Variants in RBFOX1 observed in about 807,000 individuals in gnomAD.
RBFOX1 encodes RNA binding fox-1 homolog 1.
Under a neutral mutation model 57.7 loss-of-function variants are expected in RBFOX1, and 8 were observed. The ratio of observed to expected loss-of-function variants is 0.14; its 90% confidence interval spans 0.08 to 0.25. RBFOX1 has a LOEUF of 0.25. RBFOX1 is among the 10% of genes least tolerant of loss of function. The pLI, the probability that RBFOX1 is intolerant of heterozygous loss-of-function variation, is 1.00. For missense variants in RBFOX1, 611 were observed against 548.5 expected (o/e 1.11, Z -1.14); for synonymous variants, 326 against 222.4 (o/e 1.47, Z -4.15).
chr16:6,408,041 C>T (rs1232737484), intron 2 of RBFOX1, among the ~76,000 whole-genome samples: 1 of 152,054 alleles, frequency 6.6e-6, no homozygotes, highest in East Asian at 1.9e-4. Context: ...CTTGTTTACC[C>T]CTCCCATCAT....
At chr16:6,800,025 A>G (rs753915638) in intron 3 of RBFOX1, among the ~76,000 whole-genome samples, 6 of 152,150 alleles carry the variant, frequency 3.9e-5, no homozygotes, top group Admixed American at 2.0e-4. Context: ...GTCCCTCTGG[A>G]GAACCCTAAT....
chr16:5,318,778 T>G (rs1350646074), intron 1 of RBFOX1, among the ~76,000 whole-genome samples: 2 of 152,184 alleles, frequency 1.3e-5, no homozygotes, highest in African/African-American at 4.8e-5. Context: ...TCAGTTTGGC[T>G]GACCTTAACA....
chr16:7,216,089 A>G (rs141164438), intron 4 of RBFOX1, among the ~76,000 whole-genome samples: 162 of 152,290 alleles, frequency 1.1e-3, no homozygotes, highest in Middle Eastern at 6.8e-3. Context: ...TTCACTTAGC[A>G]TAATGCTTAC....
intron 1 of RBFOX1, among the ~76,000 whole-genome samples, chr16:6,242,865 T>A (rs1567756822): frequency 6.6e-6 from 1 of 152,136 alleles, no homozygotes; most frequent in Non-Finnish European, 1.5e-5. Flanking sequence ...GAAGGTTGAG[T>A]TTTTAACCAA....
chr16:6,634,797 T>A (rs943184412), intron 2 of RBFOX1, among the ~76,000 whole-genome samples: 2 of 138,976 alleles, frequency 1.4e-5, no homozygotes, highest in Non-Finnish European at 3.0e-5. Context: ...AAGATATACA[T>A]ATATTTGTAT....
chr16:5,793,903 C>A (rs373969558), intron 3 of RBFOX1, among the ~76,000 whole-genome samples: 1 of 152,216 alleles, frequency 6.6e-6, no homozygotes, highest in Non-Finnish European at 1.5e-5. Context: ...ACATTATAAA[C>A]CTGTGTGATC....
chr16:6,131,813 T>G (rs1273229576), intron 1 of RBFOX1, among the ~76,000 whole-genome samples: 1 of 152,212 alleles, frequency 6.6e-6, no homozygotes, highest in African/African-American at 2.4e-5. Flanking sequence ...GAGGCTCACA[T>G]GTGCTGCTGG....
At chr16:6,220,190 G>A (rs141983017) in intron 1 of RBFOX1, among the ~76,000 whole-genome samples, 4 of 152,060 alleles carry the variant, frequency 2.6e-5, no homozygotes, top group African/African-American at 9.6e-5. Context: ...CTGTGTGTCT[G>A]TGGGTGTGTG....
chr16:7,509,987 C>A (rs1267596228), intron 4 of RBFOX1: 2 of 181,460 alleles, frequency 1.1e-5, no homozygotes, highest in Non-Finnish European at 1.0e-5. Flanking sequence ...TTTTCCCTTC[C>A]TCCTCTATAT....
chr16:5,391,944 A>G (rs571413751), intron 1 of RBFOX1, among the ~76,000 whole-genome samples: 1 of 151,692 alleles, frequency 6.6e-6, no homozygotes, highest in African/African-American at 2.4e-5. Flanking sequence ...ATGGAATACT[A>G]CTCAGCCATA....
At chr16:6,905,754 G>A (rs1330598038) in intron 3 of RBFOX1, among the ~76,000 whole-genome samples, 1 of 152,194 alleles carries the variant, frequency 6.6e-6, no homozygotes, top group Non-Finnish European at 1.5e-5. Context: ...TGCATGCCAT[G>A]GATGGAAATG....
chr16:6,713,861 T>C (rs927127000), intron 3 of RBFOX1, among the ~76,000 whole-genome samples: 2 of 152,190 alleles, frequency 1.3e-5, no homozygotes, highest in African/African-American at 4.8e-5. Context: ...TTGGTAAGAC[T>C]TGGGGACTGA....
At chr16:7,149,256 G>A (rs2075653234) in intron 4 of RBFOX1, among the ~76,000 whole-genome samples, 1 of 152,046 alleles carries the variant, frequency 6.6e-6, no homozygotes, top group Non-Finnish European at 1.5e-5. Flanking sequence ...GTGGAAGAGA[G>A]AGTTGCAATA....
intron 1 of RBFOX1, among the ~76,000 whole-genome samples, chr16:5,381,902 A>G (rs2066140154): frequency 6.6e-6 from 1 of 152,150 alleles, no homozygotes; most frequent in Non-Finnish European, 1.5e-5. Flanking sequence ...GGCGCTATTG[A>G]CATTTGGGGC....
chr16:7,101,228 C>T (rs953153156), intron 4 of RBFOX1, among the ~76,000 whole-genome samples: 11 of 152,188 alleles, frequency 7.2e-5, no homozygotes, highest in African/African-American at 2.4e-4. Flanking sequence ...GGAATTTATT[C>T]TGCACCAGCG....
At chr16:6,679,433 G>T (rs536248649) in intron 3 of RBFOX1, among the ~76,000 whole-genome samples, 2 of 152,122 alleles carry the variant, frequency 1.3e-5, no homozygotes, top group African/African-American at 4.8e-5. Context: ...CATCATTGCA[G>T]TGCCTCGTTT....
At chr16:7,670,118 G>A (rs1030513310) in intron 13 of RBFOX1, among the ~76,000 whole-genome samples, 1 of 152,124 alleles carries the variant, frequency 6.6e-6, no homozygotes, top group East Asian at 1.9e-4. Context: ...TGCAACCTCT[G>A]CCTCCCAGGT....
chr16:5,469,803 T>C (rs2069073950), intron 2 of RBFOX1, among the ~76,000 whole-genome samples: 1 of 152,190 alleles, frequency 6.6e-6, no homozygotes, highest in Non-Finnish European at 1.5e-5. Flanking sequence ...CAGCACAATG[T>C]TTTTGAGGTT....
chr16:6,655,395 AAAAAAAAAGAG>A (rs1422920630), intron 3 of RBFOX1, among the ~76,000 whole-genome samples: 1 of 138,354 alleles, frequency 7.2e-6, no homozygotes, highest in Non-Finnish European at 1.5e-5. Flanking sequence ...AAAAAAAAAA[AAAAAAAAAGAG>A]CTCGCGCTCA....
Sources: allele counts gnomAD v4.1 joint callset (sites outside exome capture counted in the v4.1 genomes callset), GRCh38; gene constraint gnomAD v4.1.1; transcripts MANE v1.5; gene names NCBI Gene and HGNC (gene_info 2026-07-23, HGNC 2026-07-21).